Variants in LRP2 observed in about 807,000 individuals in gnomAD.
The protein encoded by LRP2 is low-density lipoprotein receptor-related protein 2.
Under a neutral mutation model 531.0 loss-of-function variants are expected in LRP2, and 172 were observed. The observed-to-expected ratio is 0.32, with a 90% CI of 0.29 to 0.37. The LOEUF is 0.37. Among genes scored for constraint, LRP2 ranks in the 10% least tolerant of loss-of-function variants. The pLI is 1.00. For missense variants in LRP2, 5,167 were observed against 5,868.3 expected (o/e 0.88, Z 3.90); for synonymous variants, 1,992 against 2,027.6 (o/e 0.98, Z 0.47).
intron 1 of LRP2, among the ~76,000 whole-genome samples, chr2:169,331,834 C>T (rs920943794): frequency 4.6e-5 from 7 of 152,128 alleles, no homozygotes; most frequent in Admixed American, 2.0e-4. Flanking sequence ...AATTCCTATA[C>T]GGCTTTTTGA....
chr2:169,318,911 T>C, intron 2 of LRP2, 27 bp from the exon 3 acceptor site: 1 of 1,613,790 alleles, frequency 6.2e-7, no homozygotes. Flanking sequence ...GAGGACTCAT[T>C]ATGGCAATCA....
chr2:169,303,294 A>C (rs768188232), intron 4 of LRP2, among the ~76,000 whole-genome samples: 9 of 152,198 alleles, frequency 5.9e-5, no homozygotes, highest in Admixed American at 4.6e-4. Context: ...TCTATTCCTA[A>C]AGCAAAATCT....
rs966430979 is a variant in LRP2, at chr2:169,151,602, C to T, written c.12462-576G>A. ...AAACAGCCTTTTAAAATAACAAACT[C>T]GGCAAGACTGTCCTGCCTTATTTCC... On this transcript the variant is annotated intron_variant, in intron 67 of 78. Transcript: ENST00000649046. 2.2e-4 allele frequency among the ~76,000 whole-genome samples: 33 copies of T among 152,250 alleles called. No homozygotes were observed. The East Asian group carries it at 2.7e-3, about 12-fold the overall frequency.
intron 30 of LRP2, 120 bp from the exon 31 acceptor site, chr2:169,231,962 T>C: frequency 8.1e-7 from 1 of 1,229,990 alleles, no homozygotes; most frequent in Non-Finnish European, 1.2e-6. Context: ...AAGTACGTTG[T>C]TACCTCTGTT....
intron 1 of LRP2, among the ~76,000 whole-genome samples, chr2:169,324,934 GAGATAT>G (rs1685007171): frequency 6.6e-6 from 1 of 151,386 alleles, no homozygotes; most frequent in Admixed American, 6.6e-5. Flanking sequence ...TTATATATCA[GAGATAT>G]AGAAAGCTAT....
intron 1 of LRP2, among the ~76,000 whole-genome samples, chr2:169,342,399 C>T (rs1685587238): frequency 6.6e-6 from 1 of 152,122 alleles, no homozygotes; most frequent in Non-Finnish European, 1.5e-5. Flanking sequence ...GTGCACAAGT[C>T]TAGTTCTACC....
rs766487772 is a variant in LRP2 at position 169,318,882 on chromosome 2, C to T, written c.190G>A (p.Val64Ile). 8 of 1,613,988 alleles carry T rather than the reference C, an allele frequency of 5.0e-6. 1 individual carries two copies. In the African/African-American group the frequency reaches 5.3e-5, roughly 11 times the overall value. ...SDDADEIGCA[V>I]VTCQQGYFKC... Reference sequence around the variant, plus strand: ...AAATAGCCCTGCTGGCAGGTCACAACAGCTAAAACAAACCAAAAGAGGACT... The same window carrying T: ...AAATAGCCCTGCTGGCAGGTCACAATAGCTAAAACAAACCAAAAGAGGACT... Residue 64 changes from valine to isoleucine, a missense_variant and splice_region_variant, in exon 3 of 79, where the codon GTT becomes ATT. Transcript: ENST00000649046.
At chr2:169,327,080 G>A (rs1418496608) in intron 1 of LRP2, among the ~76,000 whole-genome samples, 1 of 151,008 alleles carries the variant, frequency 6.6e-6, no homozygotes, top group Non-Finnish European at 1.5e-5. Flanking sequence ...GTCCGGGAGG[G>A]AGGTGGGGGG....
At position 169,216,320 on chromosome 2, in the gene LRP2, T is replaced by A; in HGVS notation, c.5759A>T (p.His1920Leu). The A allele has an allele frequency of 1.2e-6, 2 of 1,613,676 alleles. No homozygotes were observed. Among genetic ancestry groups the A allele is most frequent in the African/African-American group, 2.7e-5 (2 of 75,010 alleles). ...VKTLFTGNLE[H>L]LECVTLDIEE... ...GATGTCAAGAGTGACACACTCCAGG[T>A]GTTCGAGGTTCCCAGTAAAGAGAGT... The change falls in exon 35 of 79, where the codon CAC (histidine) becomes CTC (leucine). Residue 1920 changes from histidine to leucine, a missense_variant. This residue lies in a region of LRP2 where 2,811 missense variants were observed against 3,058.0 expected (regional missense o/e 0.92). Coordinates refer to ENST00000649046, the MANE Select transcript of LRP2 (RefSeq NM_004525.3).
chr2:169,336,758 A>G (rs1227072142), intron 1 of LRP2, among the ~76,000 whole-genome samples: 1 of 152,162 alleles, frequency 6.6e-6, no homozygotes, highest in Non-Finnish European at 1.5e-5. Context: ...AGGCAGAATA[A>G]CACTTGTCAG....
chr2:169,217,583 CT>C (rs1298516883), intron 34 of LRP2, among the ~76,000 whole-genome samples: 6 of 152,002 alleles, frequency 3.9e-5, no homozygotes, highest in African/African-American at 9.6e-5. Flanking sequence ...GGTTTCTGCC[CT>C]TTTTTTTCTT....
intron 19 of LRP2, among the ~76,000 whole-genome samples, chr2:169,255,835 A>T (rs1690282583): frequency 6.6e-6 from 1 of 152,146 alleles, no homozygotes; most frequent in African/African-American, 2.4e-5. Flanking sequence ...GGGATGTTGA[A>T]TTGTATAATA....
rs1033256413 is a variant in LRP2, at chr2:169,205,394, T to C, written c.7715+85A>G. The C allele has an allele frequency of 2.4e-5, 34 of 1,430,788 alleles. No individual in the cohort carries two copies. In the South Asian group the frequency reaches 3.8e-4, roughly 16 times the overall value. The allele number at this position is 1,430,788 out of a possible 1,614,324, so 88.6% of individuals were successfully genotyped here. A position where few individuals can be genotyped will look rare whatever the true frequency, so the allele number is the denominator to read the frequency against. ...AATGTCTATCTGGCATGCTATATTT[T>C]CATCACATGATGCAAATCCCTCTTC... On this transcript the variant is annotated intron_variant, in intron 41 of 78. Transcript: ENST00000649046.
intron 8 of LRP2, 58 bp downstream of exon 8, chr2:169,290,787 T>C: frequency 6.3e-7 from 1 of 1,574,848 alleles, no homozygotes; most frequent in Non-Finnish European, 8.7e-7. Context: ...TGAACGTCTG[T>C]TCTAGAAAAC....
In LRP2 at chr2:169,277,864, C is replaced by A. The variant is rs1416270515; in HGVS notation, c.1653G>T (p.Leu551Phe). ...CAGGCCATCCCAGCTTTGTTTTCACCAAGTCTTTACGGTTGCTGCCATCCA... is the reference window on the plus strand; with the variant it reads ...CAGGCCATCCCAGCTTTGTTTTCACAAAGTCTTTACGGTTGCTGCCATCCA... Reference protein sequence around the residue: ...AFMDGSNRKDLVKTKLGWPAG... With the variant: ...AFMDGSNRKDFVKTKLGWPAG... Residue 551 changes from leucine (L) to phenylalanine (F), a missense_variant, in exon 13 of 79, where the codon TTG (leucine) becomes TTT (phenylalanine). Transcript: ENST00000649046. 5 of 1,613,982 alleles carry A rather than the reference C, an allele frequency of 3.1e-6. No individual in the cohort carries two copies. Among genetic ancestry groups the A allele is most frequent in the Admixed American group, 3.3e-5 (2 of 59,990 alleles).
chr2:169,212,882 G>A (rs1299901475), intron 36 of LRP2, among the ~76,000 whole-genome samples: 2 of 151,664 alleles, frequency 1.3e-5, no homozygotes, highest in Admixed American at 6.6e-5. Flanking sequence ...ACTTACTCAT[G>A]TAACCAAACA....
At chr2:169,154,333 G>T in intron 66 of LRP2, 127 bp downstream of exon 66, 1 of 837,446 alleles carries the variant, frequency 1.2e-6, no homozygotes, top group Non-Finnish European at 2.0e-6. Context: ...TGCTGGATTG[G>T]AAGAGTTTCC....
chr2:169,332,560 A>C (rs1379231986), intron 1 of LRP2, among the ~76,000 whole-genome samples: 1 of 152,200 alleles, frequency 6.6e-6, no homozygotes, highest in East Asian at 1.9e-4. Context: ...AATTTGGTAC[A>C]AAATGGCAAC....
At chr2:169,236,670 T>C (rs2105376410) in intron 28 of LRP2, among the ~76,000 whole-genome samples, 1 of 152,314 alleles carries the variant, frequency 6.6e-6, no homozygotes, top group Non-Finnish European at 1.5e-5. Flanking sequence ...AAAAACTGCC[T>C]TCCTTATATG....
Sources: allele counts gnomAD v4.1 joint callset (sites outside exome capture counted in the v4.1 genomes callset), GRCh38; gene constraint gnomAD v4.1.1; regional missense constraint gnomAD v4.1.1; transcripts MANE v1.5; gene names NCBI Gene and HGNC (gene_info 2026-07-23, HGNC 2026-07-21).